The following CD81 variants were observed in gnomAD, a reference collection of about 807,000 sequenced individuals.
CD81 encodes CD81 molecule, also known as CD81 antigen.
In CD81, 10 loss-of-function variants were observed where a neutral mutation model predicts 30.1. The ratio of observed to expected loss-of-function variants is 0.33; its 90% confidence interval spans 0.21 to 0.56. The LOEUF is 0.56. Among genes scored for constraint, CD81 ranks in the 20% least tolerant of loss-of-function variants. The pLI, the probability that CD81 is intolerant of heterozygous loss-of-function variation, is 0.89. For missense variants in CD81, 263 were observed against 308.7 expected, an observed-to-expected ratio of 0.85 and a Z score of 1.11; for synonymous variants, 147 against 126.4, an observed-to-expected ratio of 1.16 and a Z score of -1.10.
chr11:2,380,407 G>A (rs986448360), intron 1 of CD81, among the ~76,000 whole-genome samples: 5 of 151,976 alleles, frequency 3.3e-5, no homozygotes, highest in Non-Finnish European at 7.4e-5. Flanking sequence ...ACACGCACAG[G>A]CACTCACACA....
At chr11:2,383,747 C>T (rs1849739754) in intron 1 of CD81, among the ~76,000 whole-genome samples, 2 of 152,244 alleles carry the variant, frequency 1.3e-5, no homozygotes, top group African/African-American at 4.8e-5. Flanking sequence ...CCAGCCTGTA[C>T]GTAAAGGCGG....
rs942675957 is a variant in CD81 at position 2,378,255 on chromosome 11, C to T, written c.66+640C>T. Among the ~76,000 whole-genome samples, 6 of 152,138 alleles carry T rather than the reference C, an allele frequency of 3.9e-5. 1 individual carries two copies. Among genetic ancestry groups the T allele is most frequent in the South Asian group, 4.2e-4 (2 of 4,812 alleles). ...GATGGCCCAGAAGCTGGGGTGCGCG[C>T]ACCCTGGCCGTCCCTGCCTGGGAGC... On this transcript the variant is annotated intron_variant, in intron 1 of 7. Transcript: ENST00000263645. The surrounding 1 kb of genome is among the most constrained non-coding windows in gnomAD (Gnocchi z 4.9).
intron 2 of CD81, chr11:2,393,578 C>G (rs892606320): frequency 4.9e-6 from 2 of 412,146 alleles, no homozygotes; most frequent in Non-Finnish European, 8.9e-6. Flanking sequence ...AGGGCCCCCC[C>G]ACCCTCTTCT....
chr11:2,393,805 T>C (rs1043970844), intron 2 of CD81: 2 of 624,486 alleles, frequency 3.2e-6, no homozygotes, highest in South Asian at 3.6e-5. Flanking sequence ...CCACCGCAGG[T>C]GTCATCCCTG....
At chr11:2,382,131 G>C (rs776777606) in intron 1 of CD81, among the ~76,000 whole-genome samples, 27 of 152,226 alleles carry the variant, frequency 1.8e-4, no homozygotes, top group Non-Finnish European at 3.1e-4. Context: ...GCTGGCAGCC[G>C]GATCTCACTT....
rs1294207523 is a variant in CD81, at chr11:2,378,845, G to A, written c.66+1230G>A. On this transcript the variant is annotated intron_variant, in intron 1 of 7. Transcript: ENST00000263645. This position sits in a 1 kb window ranked among gnomAD's most constrained non-coding sequence, Gnocchi z 4.9. Reference sequence around the variant, plus strand: ...CCTGGAGCCAGTGTGTGGGACCAGAGACATCTGTTTCCCATCTGGACGGCT... The same window carrying A: ...CCTGGAGCCAGTGTGTGGGACCAGAAACATCTGTTTCCCATCTGGACGGCT... Among the ~76,000 whole-genome samples, 1 of 152,248 alleles carries A rather than the reference G, an allele frequency of 6.6e-6. No individual in the cohort carries two copies. The highest frequency in any genetic ancestry group is 1.5e-5 in the Non-Finnish European group (1 of 68,040).
intron 1 of CD81, chr11:2,390,156 A>G (rs1028825400): frequency 6.7e-6 from 4 of 593,274 alleles, no homozygotes; most frequent in Non-Finnish European, 1.2e-5. Flanking sequence ...TCTTCCTGGC[A>G]GTCCTGCCCT....
chr11:2,388,133 A>G (rs1849829166), intron 1 of CD81, among the ~76,000 whole-genome samples: 1 of 152,044 alleles, frequency 6.6e-6, no homozygotes, highest in Admixed American at 6.5e-5. Flanking sequence ...TGTAGCCTCA[A>G]CCTCCTGAGC....
chr11:2,387,632 G>GTC (rs1849819945), intron 1 of CD81, among the ~76,000 whole-genome samples: 2 of 152,076 alleles, frequency 1.3e-5, no homozygotes, highest in Admixed American at 1.3e-4. Context: ...ACCAGGAGCT[G>GTC]TCTGCCCCTG....
chr11:2,379,318 G>A (rs1021066863), intron 1 of CD81: 4 of 414,922 alleles, frequency 9.6e-6, no homozygotes, highest in Non-Finnish European at 1.9e-5. Context: ...AGGCCTGGGG[G>A]TAGTAGGGGC....
intron 1 of CD81, among the ~76,000 whole-genome samples, chr11:2,387,390 A>G (rs1849816188): frequency 6.6e-6 from 1 of 152,196 alleles, no homozygotes; most frequent in African/African-American, 2.4e-5. Flanking sequence ...CCACAGTTTC[A>G]AAAGAAAATA....
intron 1 of CD81, among the ~76,000 whole-genome samples, chr11:2,380,445 A>C (rs968091225): frequency 6.6e-6 from 1 of 152,064 alleles, no homozygotes; most frequent in Non-Finnish European, 1.5e-5. Flanking sequence ...ACACACTCCC[A>C]CCTTCACACA....
intron 1 of CD81, 116 bp from the exon 2 acceptor site, chr11:2,390,296 G>C (rs1338889257): frequency 1.2e-6 from 1 of 827,284 alleles, no homozygotes; most frequent in African/African-American, 1.7e-5. Context: ...GCTGACACCT[G>C]GTCCCTGCTC....
intron 1 of CD81, among the ~76,000 whole-genome samples, chr11:2,386,819 A>G (rs1334974906): frequency 6.6e-6 from 1 of 152,054 alleles, no homozygotes; most frequent in Admixed American, 6.6e-5. Context: ...TAAAAGTCAC[A>G]TGGGCCCTCG....
chr11:2,385,279 A>G (rs1291253844), intron 1 of CD81, among the ~76,000 whole-genome samples: 2 of 151,646 alleles, frequency 1.3e-5, no homozygotes. Flanking sequence ...ACAAATTTAT[A>G]CCCCCGTGAA....
chr11:2,393,736 C>CGGTGGGT lies in CD81; in HGVS notation c.182-356_182-350dup, dbSNP rs1164225923. ...CAGAGGCTTTGGGAGCGGGTGAAGG[C>CGGTGGGT]GGTGGGTGGCGGGTGGCAGGTGCAG... On this transcript the variant is annotated intron_variant, in intron 2 of 7. Transcript: ENST00000263645. The CGGTGGGT allele has an allele frequency of 3.3e-5, 20 of 601,496 alleles. No individual in the cohort carries two copies. The East Asian group carries it at 5.0e-4, about 15-fold the overall frequency. The allele number at this position is 601,496 out of a possible 1,614,324, so 37.3% of individuals were successfully genotyped here. A position where few individuals can be genotyped will look rare whatever the true frequency, so the allele number is the denominator to read the frequency against.
Position 2,395,519 on chromosome 11 carries a change from C to A in CD81, c.458C>A (p.Thr153Lys). ...GCTGTGGTGAAGACCTTCCACGAGACGGTGCGGCCCCGGGGGGCGAGGGCG... is the reference window on the plus strand; with the variant it reads ...GCTGTGGTGAAGACCTTCCACGAGAAGGTGCGGCCCCGGGGGGCGAGGGCG... The part of the protein sequence containing the change: ...AKAVVKTFHE[T>K]LDCCGSSTLT... Residue 153 changes from threonine to lysine, a missense_variant and splice_region_variant, in exon 5 of 8, where the codon ACG (threonine) becomes AAG (lysine). Transcript: ENST00000263645. 1 of 1,611,538 alleles carries A rather than the reference C, an allele frequency of 6.2e-7. No individual in the cohort carries two copies. Among genetic ancestry groups the A allele is most frequent in the Non-Finnish European group, 8.5e-7 (1 of 1,178,904 alleles).
chr11:2,394,657 C>T (rs1427976411), intron 3 of CD81, among the ~76,000 whole-genome samples: 3 of 152,140 alleles, frequency 2.0e-5, no homozygotes, highest in Non-Finnish European at 2.9e-5. Flanking sequence ...CTGCTGCACA[C>T]GCCTCCCTGG....
chr11:2,388,101 CA>C (rs1182984479), intron 1 of CD81, among the ~76,000 whole-genome samples: 1 of 152,168 alleles, frequency 6.6e-6, no homozygotes, highest in African/African-American at 2.4e-5. Context: ...GGCTGGAGTG[CA>C]GTGGCACAAT....
Sources: allele counts gnomAD v4.1 joint callset (sites outside exome capture counted in the v4.1 genomes callset), GRCh38; gene constraint gnomAD v4.1.1; non-coding constraint Gnocchi (gnomAD v3.1); transcripts MANE v1.5; gene names NCBI Gene and HGNC (gene_info 2026-07-23, HGNC 2026-07-21).